The following PAX6 variants were observed in gnomAD, a reference collection of about 807,000 sequenced individuals.
PAX6 encodes paired box protein Pax-6.
PAX6 carries 7 observed loss-of-function variants against 60.7 expected under a neutral mutation model. That is an observed-to-expected ratio of 0.12 (90% CI 0.07 to 0.22). The LOEUF (loss-of-function observed/expected upper bound fraction) is 0.22, where lower values mean the gene tolerates loss of function less well. PAX6 is among the 10% of genes least tolerant of loss of function. The pLI, the probability that PAX6 is intolerant of heterozygous loss-of-function variation, is 1.00. For synonymous variants in PAX6, 208 were observed against 201.2 expected, an observed-to-expected ratio of 1.03 and a Z score of -0.29; for missense variants, 355 against 555.2, an observed-to-expected ratio of 0.64 and a Z score of 3.62.
intron 13 of PAX6, 175 bp from the exon 14 acceptor site, chr11:31,790,194 A>C: frequency 1.6e-6 from 1 of 618,844 alleles, no homozygotes; most frequent in Non-Finnish European, 2.8e-6. Context: ...ACCTTCAGAA[A>C]CTAGACAATA....
chr11:31,813,855 T>C (rs994048342), upstream of PAX6, among the ~76,000 whole-genome samples: 4 of 151,818 alleles, frequency 2.6e-5, no homozygotes, highest in Admixed American at 6.6e-5. Flanking sequence ...TCAAGGAAGG[T>C]GGGGGTGCTG....
chr11:31,810,997 G>A lies in PAX6; in HGVS notation c.-298C>T. 2.5e-6 allele frequency: 1 copy of A among 399,330 alleles called. No homozygotes were observed. Among genetic ancestry groups the A allele is most frequent in the Non-Finnish European group, 4.4e-6 (1 of 226,170 alleles). The allele number at this position is 399,330 out of a possible 1,614,324, so 24.7% of individuals were successfully genotyped here. A position where few individuals can be genotyped will look rare whatever the true frequency, so the allele number is the denominator to read the frequency against. On this transcript the variant is annotated 5_prime_UTR_variant, in exon 2 of 14. Transcript: ENST00000640368. ...CACGGATGTTGCTGGGTTGGTGTGT[G>A]AGAGCAATTCTCAGATTCCTGGGAA...
intron 8 of PAX6, among the ~76,000 whole-genome samples, chr11:31,796,102 C>G (rs1951408607): frequency 6.6e-6 from 1 of 152,248 alleles, no homozygotes; most frequent in Non-Finnish European, 1.5e-5. Context: ...CCCCAACTTT[C>G]TCCCCCATTT....
intron 12 of PAX6, 165 bp from the exon 13 acceptor site, chr11:31,791,025 C>G: frequency 2.5e-6 from 2 of 810,788 alleles, no homozygotes; most frequent in Non-Finnish European, 4.1e-6. Context: ...GGGCCTCGAG[C>G]TAGTCCTTCC....
chr11:31,794,418 CACCACACACACA>C (rs1950826790), intron 9 of PAX6, 200 bp downstream of exon 9: 35 of 466,338 alleles, frequency 7.5e-5, no homozygotes, highest in East Asian at 2.1e-4. Flanking sequence ...CACACACACA[CACCACACACACA>C]CACACACACA....
At chr11:31,817,546 C>T (rs1166417157) in intron 1 of PAX6, among the ~76,000 whole-genome samples, 2 of 152,252 alleles carry the variant, frequency 1.3e-5, no homozygotes, top group South Asian at 2.1e-4. Context: ...CAGCTCAGGG[C>T]CGGACTGGAA....
intron 3 of PAX6, 181 bp from the exon 4 acceptor site, chr11:31,806,643 AC>A: frequency 1.7e-6 from 1 of 572,700 alleles, no homozygotes; most frequent in Non-Finnish European, 3.1e-6. Flanking sequence ...TACAAAATCT[AC>A]CCTTTGGGGC....
At chr11:31,795,410 C>T (rs948218750) in intron 8 of PAX6, among the ~76,000 whole-genome samples, 1 of 152,172 alleles carries the variant, frequency 6.6e-6, no homozygotes, top group Non-Finnish European at 1.5e-5. Context: ...ACACCTATTA[C>T]GAGCACAGCT....
chr11:31,793,861 G>A (rs1470623637), intron 10 of PAX6, 59 bp from the exon 11 acceptor site: 14 of 1,593,364 alleles, frequency 8.8e-6, no homozygotes, highest in Non-Finnish European at 1.2e-5. Context: ...CCCCACCTTG[G>A]CACCTCCACT....
chr11:31,800,134 A>G (rs1953143295), intron 8 of PAX6, among the ~76,000 whole-genome samples: 1 of 152,042 alleles, frequency 6.6e-6, no homozygotes, highest in Non-Finnish European at 1.5e-5. Flanking sequence ...AGTGGGACCC[A>G]GAGGGGCGAA....
rs968027468 is a variant in PAX6 at position 31,789,900 on chromosome 11, ATATTTCCTTTCCTTT to A, written c.*19_*33del. The A allele has an allele frequency of 1.9e-6, 3 of 1,544,224 alleles. No homozygotes were observed. The African/African-American group carries it at 4.2e-5, about 22-fold the overall frequency. On this transcript the variant is annotated 3_prime_UTR_variant, in exon 14 of 14. Coordinates refer to ENST00000640368, the MANE Select transcript of PAX6 (RefSeq NM_001368894.2). ...CATAGTCACTGACTGAATTAACACA[ATATTTCCTTTCCTTT>A]TTTTTTTTTTTTTTTTTTTTACTGT...
Position 31,789,413 on chromosome 11 carries a change from A to G in PAX6, c.*521T>C, listed in dbSNP as rs1401540194. 5 of 368,528 alleles carry G rather than the reference A, an allele frequency of 1.4e-5. No individual in the cohort carries two copies. Among genetic ancestry groups the G allele is most frequent in the Non-Finnish European group, 2.4e-5 (5 of 207,314 alleles). The allele number at this position is 368,528 out of a possible 1,614,324, so 22.8% of individuals were successfully genotyped here. A position where few individuals can be genotyped will look rare whatever the true frequency, so the allele number is the denominator to read the frequency against. On this transcript the variant is annotated 3_prime_UTR_variant, in exon 14 of 14. Coordinates refer to ENST00000640368, the MANE Select transcript of PAX6 (RefSeq NM_001368894.2). ...TTTGGAAAACCAACAGATATTTCTG[A>G]CATAAATCTAGTGCATGTTGTTCCA... is the stretch of plus-strand genomic sequence containing the variant.
In PAX6 at chr11:31,789,857, G is replaced by A; in HGVS notation, c.*77C>T. On this transcript the variant is annotated 3_prime_UTR_variant, in exon 14 of 14. Coordinates refer to ENST00000640368, the MANE Select transcript of PAX6 (RefSeq NM_001368894.2). ...AGCCATTTTTCTTTCTTTCCTGAAA[G>A]CTCAACTGTTGTGTCCCCATAGTCA... The A allele has an allele frequency of 7.6e-7, 1 of 1,314,150 alleles. No individual in the cohort carries two copies. The highest frequency in any genetic ancestry group is 1.1e-6 in the Non-Finnish European group (1 of 930,122). 81.4% of individuals were successfully genotyped at this position (1,314,150 alleles called of 1,614,324 possible).
At chr11:31,796,390 T>A (rs1951519240) in intron 8 of PAX6, among the ~76,000 whole-genome samples, 1 of 150,952 alleles carries the variant, frequency 6.6e-6, no homozygotes, top group Admixed American at 6.6e-5. Context: ...TTCAGTGAAG[T>A]GTGTTAACCC....
intron 4 of PAX6, chr11:31,803,080 C>T (rs1954645536): frequency 3.7e-6 from 2 of 534,622 alleles, no homozygotes. Context: ...ACAGGACCAC[C>T]AGCCATGCCA....
At chr11:31,810,804 G>T (rs563504023) in intron 2 of PAX6, 24 bp downstream of exon 2, 65 of 399,140 alleles carry the variant, frequency 1.6e-4, no homozygotes, top group African/African-American at 1.3e-3. Context: ...TAAAAATAAA[G>T]CGAGAAGAAA....
rs1328757289 is a variant in PAX6, at chr11:31,790,834, T to C, written c.1101A>G (p.Ser367=). Residue 367 remains serine (S), a synonymous_variant, in exon 13 of 14, where the codon TCA becomes TCG. Transcript: ENST00000640368. ...MQPPVPSQTS[S]YSCMLPTSPS... ...GGCTGGTGGGCAGCATGCAGGAGTA[T>C]GAGGAGGTCTGGCTGGGGACTGGGG... The C allele has an allele frequency of 6.2e-7, 1 of 1,614,060 alleles. No homozygotes were observed. Among genetic ancestry groups the C allele is most frequent in the South Asian group, 1.1e-5 (1 of 91,072 alleles).
At chr11:31,806,238 C>T (rs1955761073) in intron 4 of PAX6, 164 bp downstream of exon 4, 2 of 672,600 alleles carry the variant, frequency 3.0e-6, no homozygotes, top group South Asian at 4.6e-5. Flanking sequence ...GCCCTCCCCT[C>T]CCGGGCTGCC....
intron 7 of PAX6, 139 bp downstream of exon 7, chr11:31,801,422 C>T: frequency 6.5e-7 from 1 of 1,547,122 alleles, no homozygotes; most frequent in South Asian, 1.2e-5. Flanking sequence ...CTCTCTGTTC[C>T]CCCAGGTACA....
Sources: gnomAD v4.1 joint callset for allele counts (sites outside exome capture counted in the v4.1 genomes callset) on GRCh38, gnomAD v4.1.1 for gene constraint, MANE v1.5 for transcripts, NCBI Gene and HGNC (gene_info 2026-07-23, HGNC 2026-07-21) for gene names.